CHN2: variants seen among roughly 807,000 people sequenced by gnomAD.
The protein encoded by CHN2 is beta-chimaerin.
CHN2 carries 35 observed loss-of-function variants against 56.3 expected under a neutral mutation model. The ratio of observed to expected loss-of-function variants is 0.62; its 90% CI spans 0.47 to 0.82. CHN2 has a LOEUF of 0.82. Among genes scored for constraint, CHN2 ranks in the 40% least tolerant of loss-of-function variants. The pLI is 0.00. For missense variants in CHN2, 491 were observed against 580.5 expected (o/e 0.85, Z 1.58); for synonymous variants, 210 against 212.8 (o/e 0.99, Z 0.12).
chr7:29,187,008 G>A (rs1798795811), intron 2 of CHN2, among the ~76,000 whole-genome samples: 1 of 152,126 alleles, frequency 6.6e-6, no homozygotes. Flanking sequence ...CTCACTTCAG[G>A]ATTGTTATGG....
chr7:29,363,846 C>T (rs1798929804), intron 2 of CHN2, among the ~76,000 whole-genome samples: 1 of 152,042 alleles, frequency 6.6e-6, no homozygotes. Flanking sequence ...GTAGAAGGAA[C>T]AGTAACTGCA....
intron 6 of CHN2, among the ~76,000 whole-genome samples, chr7:29,417,483 C>G (rs1803892471): frequency 6.6e-6 from 1 of 151,974 alleles, no homozygotes; most frequent in African/African-American, 2.4e-5. Context: ...CTACAGGCGC[C>G]CGCCACCACG....
chr7:29,502,071 A>G (rs559521250), intron 9 of CHN2, among the ~76,000 whole-genome samples: 15 of 151,886 alleles, frequency 9.9e-5, no homozygotes, highest in African/African-American at 3.6e-4. Flanking sequence ...AACTCAATCT[A>G]TGTTAATTTT....
At chr7:29,510,887 G>A (rs895299566) in intron 12 of CHN2, among the ~76,000 whole-genome samples, 4 of 152,130 alleles carry the variant, frequency 2.6e-5, no homozygotes, top group African/African-American at 9.7e-5. Context: ...AGACAGAGAT[G>A]GAGACGTCTG....
intron 1 of CHN2, among the ~76,000 whole-genome samples, chr7:29,340,710 C>T (rs1375572096): frequency 1.3e-5 from 2 of 152,234 alleles, no homozygotes; most frequent in Non-Finnish European, 2.9e-5. Flanking sequence ...AGGAGTTCAC[C>T]TACTGAGTTT....
intron 1 of CHN2, among the ~76,000 whole-genome samples, chr7:29,280,276 C>T (rs1791585265): frequency 1.3e-5 from 2 of 151,548 alleles, no homozygotes; most frequent in African/African-American, 2.4e-5. Context: ...CCCAGCTACT[C>T]GGGAGGCTGA....
chr7:29,169,861 C>CAT lies in CHN2; in HGVS notation c.274+22901_274+22902insAT, dbSNP rs1554351983. Among the ~76,000 whole-genome samples the CAT allele has an allele frequency of 3.4e-3, 499 of 147,926 alleles. 2 individuals carry two copies. Among genetic ancestry groups the CAT allele is most frequent in the African/African-American group, 0.012 (477 of 39,904 alleles). ...ACACACATATATATAAGTATATATA[C>CAT]GTGTGTGTGTGTGTGTGTGTATATA... On this transcript the variant is annotated intron_variant, in intron 2 of 6. Coordinates refer to the CHN2 transcript ENST00000439384.
At chr7:29,311,929 C>T (rs879379498) in intron 1 of CHN2, among the ~76,000 whole-genome samples, 2 of 152,188 alleles carry the variant, frequency 1.3e-5, no homozygotes, top group African/African-American at 4.8e-5. Flanking sequence ...TCTAGAAGAA[C>T]ATGTCAAGGG....
At chr7:29,451,553 GTAAT>G (rs1784404362) in intron 6 of CHN2, among the ~76,000 whole-genome samples, 1 of 151,090 alleles carries the variant, frequency 6.6e-6, no homozygotes, top group South Asian at 2.1e-4. Context: ...AAATAAATTT[GTAAT>G]TAATTACAAA....
intron 6 of CHN2, among the ~76,000 whole-genome samples, chr7:29,440,209 C>G (rs1473233461): frequency 6.6e-6 from 1 of 152,144 alleles, no homozygotes; most frequent in African/African-American, 2.4e-5. Flanking sequence ...TAAATATGCT[C>G]TTTTGTGGCT....
At chr7:29,442,487 G>A (rs753240694) in intron 6 of CHN2, among the ~76,000 whole-genome samples, 1 of 152,136 alleles carries the variant, frequency 6.6e-6, no homozygotes, top group Non-Finnish European at 1.5e-5. Context: ...TCTGCTTAGT[G>A]TTATTTGAAG....
At chr7:29,480,236 C>CA (rs1562641923) in intron 6 of CHN2, 43 bp from the exon 7 acceptor site, 12 of 1,614,150 alleles carry the variant, frequency 7.4e-6, no homozygotes, top group Middle Eastern at 3.3e-4. Context: ...GTGTCAAAGG[C>CA]GGCTTTCTTT....
intron 1 of CHN2, among the ~76,000 whole-genome samples, chr7:29,319,043 C>G (rs62442890): frequency 1.3e-5 from 2 of 152,172 alleles, no homozygotes; most frequent in African/African-American, 4.8e-5. Flanking sequence ...AGCCCCTCCC[C>G]TCAGACACAG....
chr7:29,379,288 G>T (rs1249315464), intron 3 of CHN2, among the ~76,000 whole-genome samples: 1 of 152,216 alleles, frequency 6.6e-6, no homozygotes, highest in Non-Finnish European at 1.5e-5. Context: ...GTTAGCAAAG[G>T]TGGCACAGCA....
chr7:29,159,650 G>A (rs1300006604), intron 2 of CHN2, among the ~76,000 whole-genome samples: 1 of 151,024 alleles, frequency 6.6e-6, no homozygotes, highest in Non-Finnish European at 1.5e-5. Flanking sequence ...TTGCTCAAAT[G>A]TCACCTTCTC....
intron 12 of CHN2, among the ~76,000 whole-genome samples, chr7:29,510,068 T>C (rs180961160): frequency 2.4e-4 from 36 of 152,216 alleles, no homozygotes; most frequent in Non-Finnish European, 4.3e-4. Flanking sequence ...TGCTTGCCCC[T>C]TTCCAGGCTC....
chr7:29,288,002 A>G (rs1159656232), intron 1 of CHN2, among the ~76,000 whole-genome samples: 1 of 152,250 alleles, frequency 6.6e-6, no homozygotes, highest in Admixed American at 6.5e-5. Flanking sequence ...CATAACAAGC[A>G]TATACTTTAT....
intron 6 of CHN2, among the ~76,000 whole-genome samples, chr7:29,478,638 C>T (rs924824485): frequency 6.6e-6 from 1 of 152,174 alleles, no homozygotes. Flanking sequence ...AACTAGGCTG[C>T]ATGTCCTTGG....
At chr7:29,299,225 GA>G (rs1793448414) in intron 1 of CHN2, among the ~76,000 whole-genome samples, 1 of 152,120 alleles carries the variant, frequency 6.6e-6, no homozygotes, top group Non-Finnish European at 1.5e-5. Context: ...TTTCTCCGGG[GA>G]CCCCTTTCTA....
Sources: allele counts gnomAD v4.1 joint callset (sites outside exome capture counted in the v4.1 genomes callset), GRCh38; gene constraint gnomAD v4.1.1; transcripts MANE v1.5; gene names NCBI Gene and HGNC (gene_info 2026-07-23, HGNC 2026-07-21).